The following CDH8 variants were observed in gnomAD, a reference collection of about 807,000 sequenced individuals.
The protein encoded by CDH8 is cadherin 8, also known as cadherin-8.
A neutral mutation model predicts 68.1 loss-of-function variants in CDH8; 17 were observed. The observed-to-expected ratio is 0.25, with a 90% confidence interval of 0.17 to 0.37. The LOEUF (loss-of-function observed/expected upper bound fraction) is 0.37, where lower values mean the gene tolerates loss of function less well. Ranked by LOEUF, CDH8 falls within the 10% of genes least tolerant of loss-of-function variation. CDH8 has a pLI of 1.00. For missense variants in CDH8, 763 were observed against 999.3 expected (o/e 0.76, Z 3.19); for synonymous variants, 372 against 365.1 (o/e 1.02, Z -0.21).
chr16:61,931,103 C>T (rs529890027), intron 2 of CDH8, among the ~76,000 whole-genome samples: 46 of 152,278 alleles, frequency 3.0e-4, no homozygotes, highest in Non-Finnish European at 5.4e-4. Flanking sequence ...GAGATATAAA[C>T]GTACAGTAAC....
intron 2 of CDH8, among the ~76,000 whole-genome samples, chr16:61,904,812 C>T (rs552713502): frequency 5.7e-4 from 87 of 152,234 alleles, no homozygotes; most frequent in African/African-American, 2.0e-3. Flanking sequence ...TTACAAGCTG[C>T]TGTTTTTTCT....
intron 8 of CDH8, among the ~76,000 whole-genome samples, chr16:61,758,711 T>C (rs1960385755): frequency 6.6e-6 from 1 of 152,250 alleles, no homozygotes; most frequent in African/African-American, 2.4e-5. Context: ...AGTTTGAAAA[T>C]ATATATTTTT....
intron 2 of CDH8, among the ~76,000 whole-genome samples, chr16:61,904,953 T>C (rs966908369): frequency 6.6e-6 from 1 of 152,208 alleles, no homozygotes; most frequent in Non-Finnish European, 1.5e-5. Flanking sequence ...AGGAACCCTA[T>C]TGTGAACTGC....
chr16:61,896,377 T>C lies in CDH8; in HGVS notation c.547+4802A>G, dbSNP rs148263314. Among the ~76,000 whole-genome samples, 450 of 152,356 alleles carry C rather than the reference T, an allele frequency of 3.0e-3. 9 individuals carry two copies. Among genetic ancestry groups the C allele is most frequent in the Admixed American group, 0.027 (407 of 15,306 alleles). On this transcript the variant is annotated intron_variant, in intron 3 of 11. Transcript: ENST00000577390. ...ACATCACATTCATTTCAATTTAATA[T>C]TGGTAAATTTCTCAATTAGAATTGT...
intron 7 of CDH8, among the ~76,000 whole-genome samples, chr16:61,796,746 C>A (rs997265168): frequency 6.6e-6 from 1 of 151,952 alleles, no homozygotes; most frequent in Non-Finnish European, 1.5e-5. Context: ...ATTAAGGATA[C>A]AAATTCAAGA....
At chr16:61,729,659 G>A (rs767939746) in intron 8 of CDH8, among the ~76,000 whole-genome samples, 10 of 151,164 alleles carry the variant, frequency 6.6e-5, no homozygotes, top group Middle Eastern at 6.8e-3. Flanking sequence ...CGACATCCTA[G>A]ACCAATTCCT....
intron 9 of CDH8, among the ~76,000 whole-genome samples, chr16:61,722,160 C>T (rs1483105885): frequency 6.6e-6 from 1 of 150,700 alleles, no homozygotes; most frequent in Non-Finnish European, 1.5e-5. Context: ...AGGTATCTTC[C>T]ATTCTTCTAA....
intron 3 of CDH8, among the ~76,000 whole-genome samples, chr16:61,870,096 C>T (rs756696106): frequency 1.4e-4 from 21 of 152,182 alleles, no homozygotes; most frequent in Non-Finnish European, 2.9e-4. Context: ...ATTGATTTAG[C>T]AGTCTCACAG....
Position 61,787,355 on chromosome 16 carries a change from A to G in CDH8, c.1414+1991T>C, listed in dbSNP as rs9708766. ...ACATGAAAAAATGCTCATCATCACT[A>G]GCCATCAGAGAAATGCAAATCAAAA... On this transcript the variant is annotated intron_variant, in intron 8 of 11. Coordinates refer to ENST00000577390, the MANE Select transcript of CDH8 (RefSeq NM_001796.5). Among the ~76,000 whole-genome samples the G allele has an allele frequency of 5.4e-5, 8 of 147,030 alleles. No individual in the cohort carries two copies. The South Asian group carries it at 6.5e-4, about 12-fold the overall frequency.
chr16:61,842,732 A>C (rs1962712972), intron 4 of CDH8, among the ~76,000 whole-genome samples: 2 of 152,182 alleles, frequency 1.3e-5, no homozygotes, highest in South Asian at 2.1e-4. Context: ...CAAGAGCCAG[A>C]GCAGTACTGC....
chr16:61,663,444 GA>G (rs1333864459), intron 10 of CDH8, among the ~76,000 whole-genome samples: 1 of 151,758 alleles, frequency 6.6e-6, no homozygotes. Context: ...TGAAGTTTTA[GA>G]AAAAAATAGA....
chr16:61,794,343 G>A (rs985341685), intron 7 of CDH8, among the ~76,000 whole-genome samples: 7 of 151,854 alleles, frequency 4.6e-5, no homozygotes, highest in African/African-American at 1.7e-4. Context: ...TCTCATTACT[G>A]GCGTATATGT....
intron 10 of CDH8, among the ~76,000 whole-genome samples, chr16:61,696,393 A>G (rs968091412): frequency 6.6e-6 from 1 of 152,208 alleles, no homozygotes; most frequent in African/African-American, 2.4e-5. Flanking sequence ...AGATAAATGC[A>G]AATCAAAACC....
chr16:61,733,797 T>C (rs926682987), intron 8 of CDH8, among the ~76,000 whole-genome samples: 2 of 152,124 alleles, frequency 1.3e-5, no homozygotes, highest in African/African-American at 2.4e-5. Flanking sequence ...TTCAAAATTA[T>C]GTGGTTTAAA....
rs957108131 is a variant in CDH8, at chr16:62,020,345, T to C, written c.252+807A>G. 3.9e-5 allele frequency among the ~76,000 whole-genome samples: 6 copies of C among 152,298 alleles called. No individual in the cohort carries two copies. The East Asian group carries it at 1.2e-3, about 29-fold the overall frequency. On this transcript the variant is annotated intron_variant, in intron 2 of 11. Coordinates refer to ENST00000577390, the MANE Select transcript of CDH8 (RefSeq NM_001796.5). ...GTGCATCAAAATTAAAAGGAGCTTA[T>C]GAACAGTTCTGAGGAATAAACACGT... is the stretch of plus-strand genomic sequence containing the variant.
rs748499678 is a variant in CDH8 at position 61,655,466 on chromosome 16, G to C, written c.1906+4C>G. ...GACCGGTAGGCTATGAAGGAAATAC[G>C]TACCTAACAGCAAAATGATGCATGC... is the stretch of plus-strand genomic sequence containing the variant. On this transcript the variant is annotated splice_donor_region_variant and intron_variant, in intron 11 of 11. Transcript: ENST00000577390. 1 of 1,613,824 alleles carries C rather than the reference G, an allele frequency of 6.2e-7. No individual in the cohort carries two copies. The highest frequency in any genetic ancestry group is 8.5e-7 in the Non-Finnish European group (1 of 1,179,918).
intron 2 of CDH8, among the ~76,000 whole-genome samples, chr16:61,905,759 A>G (rs939208763): frequency 6.6e-6 from 1 of 152,164 alleles, no homozygotes; most frequent in African/African-American, 2.4e-5. Context: ...ATAGAGGGAC[A>G]GAAAGTCCAC....
At chr16:61,756,627 T>C (rs1481297381) in intron 8 of CDH8, among the ~76,000 whole-genome samples, 3 of 152,200 alleles carry the variant, frequency 2.0e-5, no homozygotes, top group Non-Finnish European at 4.4e-5. Flanking sequence ...TAGTGTGCTA[T>C]CCCAGCAAAT....
chr16:61,857,363 A>C, intron 3 of CDH8, 125 bp from the exon 4 acceptor site: 1 of 845,676 alleles, frequency 1.2e-6, no homozygotes. Flanking sequence ...AAATCTTTTT[A>C]AAAAGTTGAA....
Sources: gnomAD v4.1 joint callset for allele counts (sites outside exome capture counted in the v4.1 genomes callset) on GRCh38, gnomAD v4.1.1 for gene constraint, MANE v1.5 for transcripts, NCBI Gene and HGNC (gene_info 2026-07-23, HGNC 2026-07-21) for gene names.